Variants in NRXN1 observed in about 807,000 individuals in gnomAD.
The protein encoded by NRXN1 is neurexin 1, also known as neurexin-1.
A neutral mutation model predicts 150.9 loss-of-function variants in NRXN1; 39 were observed. The ratio of observed to expected loss-of-function variants is 0.26; its 90% CI spans 0.20 to 0.34. The LOEUF is 0.34. NRXN1 is among the 10% of genes least tolerant of loss of function. The pLI, the probability that NRXN1 is intolerant of heterozygous loss-of-function variation, is 1.00. For synonymous variants in NRXN1, 924 were observed against 757.0 expected, an observed-to-expected ratio of 1.22 and a Z score of -3.62; for missense variants, 1,815 against 1,949.9, an observed-to-expected ratio of 0.93 and a Z score of 1.30.
intron 7 of NRXN1, among the ~76,000 whole-genome samples, chr2:50,620,674 A>C (rs1278230498): frequency 6.6e-6 from 1 of 152,204 alleles, no homozygotes; most frequent in African/African-American, 2.4e-5. Flanking sequence ...CAAGTGCCTA[A>C]GTCCATGCCA....
intron 5 of NRXN1, among the ~76,000 whole-genome samples, chr2:50,761,036 C>T (rs533943600): frequency 2.0e-5 from 3 of 151,982 alleles, no homozygotes; most frequent in Non-Finnish European, 2.9e-5. Context: ...TGTGTAAATG[C>T]AGGCCTAATT....
At chr2:49,955,448 A>G (rs1307230475) in intron 21 of NRXN1, among the ~76,000 whole-genome samples, 1 of 152,118 alleles carries the variant, frequency 6.6e-6, no homozygotes, top group Non-Finnish European at 1.5e-5. Flanking sequence ...CTTTAACTGA[A>G]AGAGAGAATG....
intron 5 of NRXN1, among the ~76,000 whole-genome samples, chr2:50,647,257 T>C (rs1469108631): frequency 1.3e-5 from 2 of 151,896 alleles, no homozygotes; most frequent in Non-Finnish European, 2.9e-5. Flanking sequence ...TATCCACTTT[T>C]GAGGGCCTCA....
intron 16 of NRXN1, among the ~76,000 whole-genome samples, chr2:50,469,398 A>C (rs1342745672): frequency 6.6e-6 from 1 of 151,692 alleles, no homozygotes; most frequent in Non-Finnish European, 1.5e-5. Flanking sequence ...TGTATGCAAG[A>C]GGCTTAGAGG....
In NRXN1 at chr2:50,265,469, A is replaced by G. The variant is rs931781550; in HGVS notation, c.3365-28499T>C. 7.2e-5 allele frequency among the ~76,000 whole-genome samples: 11 copies of G among 152,280 alleles called. No individual in the cohort carries two copies. In the East Asian group the frequency reaches 9.6e-4, roughly 13 times the overall value. On this transcript the variant is annotated intron_variant, in intron 17 of 22. Transcript: ENST00000401669. Reference sequence around the variant, plus strand: ...TAACTGCACTGCTAATCTCTCCAACAAAAGTGCTACTGTGATTACATCATG... The same window carrying G: ...TAACTGCACTGCTAATCTCTCCAACGAAAGTGCTACTGTGATTACATCATG...
intron 17 of NRXN1, among the ~76,000 whole-genome samples, chr2:50,448,867 T>C (rs2086707131): frequency 6.6e-6 from 1 of 152,012 alleles, no homozygotes; most frequent in Non-Finnish European, 1.5e-5. Context: ...CACTAAAATA[T>C]ACAAAATAAA....
At chr2:50,318,043 G>T (rs2075748875) in intron 17 of NRXN1, among the ~76,000 whole-genome samples, 1 of 151,656 alleles carries the variant, frequency 6.6e-6, no homozygotes, top group Non-Finnish European at 1.5e-5. Context: ...ACCATAAAAA[G>T]ACTGAAAATT....
intron 5 of NRXN1, among the ~76,000 whole-genome samples, chr2:50,767,575 A>G (rs549659245): frequency 6.4e-4 from 97 of 152,216 alleles, no homozygotes; most frequent in Non-Finnish European, 1.2e-3. Context: ...TGCAAATATG[A>G]ATAGAAAACA....
intron 5 of NRXN1, among the ~76,000 whole-genome samples, chr2:50,831,019 A>T (rs1319995773): frequency 6.6e-6 from 1 of 152,220 alleles, no homozygotes; most frequent in African/African-American, 2.4e-5. Flanking sequence ...TGATGCAGGC[A>T]TGCAATATGA....
At chr2:50,053,164 C>T in intron 21 of NRXN1, 107 bp downstream of exon 21, 1 of 1,118,778 alleles carries the variant, frequency 8.9e-7, no homozygotes, top group Admixed American at 1.7e-5. Flanking sequence ...AGCTGTAGTG[C>T]CTAAGATCAG....
chr2:50,925,978 G>T, intron 2 of NRXN1, 23 bp from the exon 3 acceptor site: 1 of 1,563,158 alleles, frequency 6.4e-7, no homozygotes, highest in Non-Finnish European at 8.7e-7. Context: ...GACAAGGAGG[G>T]AGAGAAAAGG....
chr2:50,176,455 T>C (rs1007968620), intron 18 of NRXN1, among the ~76,000 whole-genome samples: 3 of 152,094 alleles, frequency 2.0e-5, no homozygotes, highest in Non-Finnish European at 4.4e-5. Flanking sequence ...TTTAATGGCA[T>C]GCCTGGCCTC....
intron 17 of NRXN1, among the ~76,000 whole-genome samples, chr2:50,349,747 C>T (rs1024194976): frequency 2.6e-5 from 4 of 152,192 alleles, no homozygotes; most frequent in Admixed American, 6.5e-5. Flanking sequence ...GACATGAAGG[C>T]GTTATGTCTC....
intron 8 of NRXN1, among the ~76,000 whole-genome samples, chr2:50,604,774 T>A (rs1182481724): frequency 6.6e-6 from 1 of 152,116 alleles, no homozygotes; most frequent in Non-Finnish European, 1.5e-5. Context: ...CCTGTTTCAT[T>A]TGAATGTAAT....
chr2:50,292,788 G>C (rs2073091356), intron 17 of NRXN1, among the ~76,000 whole-genome samples: 1 of 152,126 alleles, frequency 6.6e-6, no homozygotes, highest in African/African-American at 2.4e-5. Context: ...TGCCTTTAGA[G>C]GCTCTTTTTA....
intron 5 of NRXN1, among the ~76,000 whole-genome samples, chr2:50,880,544 C>T (rs1367136530): frequency 2.0e-5 from 3 of 151,960 alleles, no homozygotes; most frequent in African/African-American, 7.2e-5. Flanking sequence ...TAGGAGTAAT[C>T]AGTCATTTTT....
chr2:50,686,178 C>CT (rs1242177808), intron 5 of NRXN1, among the ~76,000 whole-genome samples: 8 of 152,000 alleles, frequency 5.3e-5, no homozygotes, highest in Admixed American at 6.6e-5. Flanking sequence ...CTAGAGTTTT[C>CT]TTTTTTTTAA....
Position 50,689,854 on chromosome 2 carries a change from TTGTGTG to T in NRXN1, c.833-66245_833-66240del, listed in dbSNP as rs796892350. Reference sequence around the variant, plus strand: ...CATCAGCTTGTTTTTTTTTGCTTATTTGTGTGTGTGTGTGTGTGTGTGTGTGTGTGT... The same window carrying T: ...CATCAGCTTGTTTTTTTTTGCTTATTTGTGTGTGTGTGTGTGTGTGTGTGT... On this transcript the variant is annotated intron_variant, in intron 5 of 22. Coordinates refer to ENST00000401669, the MANE Select transcript of NRXN1 (RefSeq NM_001330078.2). 0.043 allele frequency among the ~76,000 whole-genome samples: 5,862 copies of T among 135,306 alleles called. 146 individuals are homozygous for T. Among genetic ancestry groups the T allele is most frequent in the East Asian group, 0.079 (353 of 4,494 alleles). 88.8% of individuals were successfully genotyped at this position (135,306 alleles called of 152,430 possible).
intron 21 of NRXN1, among the ~76,000 whole-genome samples, chr2:49,956,186 G>A (rs999373720): frequency 6.6e-6 from 1 of 152,078 alleles, no homozygotes; most frequent in Non-Finnish European, 1.5e-5. Context: ...CAGAAAAATA[G>A]AAGTAATTTG....
Sources: allele counts gnomAD v4.1 joint callset (sites outside exome capture counted in the v4.1 genomes callset), GRCh38; gene constraint gnomAD v4.1.1; transcripts MANE v1.5; gene names NCBI Gene and HGNC (gene_info 2026-07-23, HGNC 2026-07-21).